Variants in ERC1 observed in about 807,000 individuals in gnomAD.
The protein encoded by ERC1 is RAB6 interacting protein 2.
In ERC1, 56 loss-of-function variants were observed where a neutral mutation model predicts 132.0. The ratio of observed to expected loss-of-function variants is 0.42; its 90% CI spans 0.34 to 0.53. ERC1 has a LOEUF of 0.53. Among genes scored for constraint, ERC1 ranks in the 20% least tolerant of loss-of-function variants. The pLI is 0.03. For synonymous variants in ERC1, 478 were observed against 476.1 expected (o/e 1.00, Z -0.05); for missense variants, 1,202 against 1,349.9 (o/e 0.89, Z 1.72).
Position 1,491,383 on chromosome 12 carries a change from C to T in ERC1, c.*1153C>T, listed in dbSNP as rs1359657724. On this transcript the variant is annotated 3_prime_UTR_variant, in exon 19 of 19. Coordinates refer to ENST00000360905, the MANE Select transcript of ERC1 (RefSeq NM_178040.4). ...AAGGTTTTTCCTCCTACACACATTC[C>T]TTCCTCGGTTATTTCATTCAGAGAA... The T allele has an allele frequency of 1.3e-5, 3 of 230,978 alleles. No individual in the cohort carries two copies. The East Asian group carries it at 1.8e-4, about 14-fold the overall frequency. 14.3% of individuals were successfully genotyped at this position (230,978 alleles called of 1,614,324 possible).
chr12:1,207,617 T>G (rs1467475312), intron 12 of ERC1, among the ~76,000 whole-genome samples: 1 of 152,174 alleles, frequency 6.6e-6, no homozygotes, highest in Admixed American at 6.5e-5. Flanking sequence ...GAATAACTCA[T>G]TGGTGGGAAA....
At chr12:1,331,621 CAA>C (rs1380036572) in intron 15 of ERC1, among the ~76,000 whole-genome samples, 2 of 152,134 alleles carry the variant, frequency 1.3e-5, no homozygotes, top group Non-Finnish European at 2.9e-5. Flanking sequence ...CTGATCCTAA[CAA>C]ATAATTAGTC....
At chr12:1,424,842 GA>G (rs2092568369) in intron 17 of ERC1, among the ~76,000 whole-genome samples, 1 of 73,904 alleles carries the variant, frequency 1.4e-5, no homozygotes, top group Admixed American at 1.3e-4. Flanking sequence ...TAGATAGATA[GA>G]TGATAGATAG....
At chr12:1,230,218 C>G (rs1214722816) in intron 12 of ERC1, among the ~76,000 whole-genome samples, 1 of 152,056 alleles carries the variant, frequency 6.6e-6, no homozygotes, top group African/African-American at 2.4e-5. Context: ...AGGCTAGTCT[C>G]AAACCCCTGA....
chr12:1,136,785 A>C (rs1949286414), intron 7 of ERC1, among the ~76,000 whole-genome samples: 1 of 152,100 alleles, frequency 6.6e-6, no homozygotes, highest in Non-Finnish European at 1.5e-5. Flanking sequence ...CTAGATTTTA[A>C]AGTATTCTAT....
chr12:1,329,344 A>G (rs551980160), intron 15 of ERC1, among the ~76,000 whole-genome samples: 1 of 126,622 alleles, frequency 7.9e-6, no homozygotes, highest in East Asian at 2.7e-4. Flanking sequence ...TTTTTTCTAA[A>G]TTTTTCAATA....
At chr12:1,196,756 C>T (rs2154280388) in intron 12 of ERC1, among the ~76,000 whole-genome samples, 1 of 150,176 alleles carries the variant, frequency 6.7e-6, no homozygotes, top group South Asian at 2.1e-4. Context: ...TCCCAAAGTG[C>T]TGGGATTACA....
intron 12 of ERC1, among the ~76,000 whole-genome samples, chr12:1,202,319 A>G (rs766144011): frequency 6.6e-6 from 1 of 152,164 alleles, no homozygotes; most frequent in Non-Finnish European, 1.5e-5. Context: ...TTAGGATTAC[A>G]TATAATTCGA....
At chr12:1,244,469 A>AATATTCATT in intron 13 of ERC1, 2 of 436,702 alleles carry the variant, frequency 4.6e-6, no homozygotes, top group Non-Finnish European at 9.1e-6. Context: ...CTAGTATTAA[A>AATATTCATT]ATATTCATTA....
chr12:1,363,368 G>A (rs540616109), intron 15 of ERC1, among the ~76,000 whole-genome samples: 38 of 152,072 alleles, frequency 2.5e-4, no homozygotes, highest in Middle Eastern at 3.4e-3. Flanking sequence ...AAAACTGAAC[G>A]CAAGTTTTCC....
intron 16 of ERC1, among the ~76,000 whole-genome samples, chr12:1,405,205 G>A (rs1034869559): frequency 6.2e-5 from 9 of 146,256 alleles, no homozygotes; most frequent in Admixed American, 1.4e-4. Context: ...ATAAAATTGG[G>A]GGGAACACAA....
At chr12:1,418,125 A>T (rs188419473) in intron 17 of ERC1, among the ~76,000 whole-genome samples, 2 of 152,316 alleles carry the variant, frequency 1.3e-5, no homozygotes, top group Admixed American at 1.3e-4. Flanking sequence ...CCTCTGAAGG[A>T]TACATAGCTA....
At chr12:1,065,480 T>TGTG (rs1938951655) in intron 2 of ERC1, among the ~76,000 whole-genome samples, 7 of 124,922 alleles carry the variant, frequency 5.6e-5, no homozygotes, top group Non-Finnish European at 8.3e-5. Flanking sequence ...TTTGTACCGT[T>TGTG]TGTGTGTGTG....
chr12:1,306,220 T>C (rs893234937), intron 15 of ERC1, among the ~76,000 whole-genome samples: 1 of 152,218 alleles, frequency 6.6e-6, no homozygotes, highest in Non-Finnish European at 1.5e-5. Flanking sequence ...TTAAATTCTC[T>C]AAGCTCTAGG....
chr12:1,143,511 A>G (rs1198416365), intron 8 of ERC1, among the ~76,000 whole-genome samples: 1 of 149,752 alleles, frequency 6.7e-6, no homozygotes, highest in African/African-American at 2.4e-5. Flanking sequence ...CATTGTTTAA[A>G]TTTTTGTGTT....
intron 4 of ERC1, among the ~76,000 whole-genome samples, chr12:1,108,673 T>C (rs967453229): frequency 6.6e-6 from 1 of 152,212 alleles, no homozygotes; most frequent in Non-Finnish European, 1.5e-5. Flanking sequence ...TCATTCCACA[T>C]GAGTAAATAA....
intron 14 of ERC1, among the ~76,000 whole-genome samples, chr12:1,285,997 T>C (rs1201159798): frequency 6.6e-6 from 1 of 152,200 alleles, no homozygotes; most frequent in African/African-American, 2.4e-5. Flanking sequence ...AGAAAACTAC[T>C]GTAATCCTGG....
At chr12:1,415,435 A>G (rs1174623219) in intron 17 of ERC1, among the ~76,000 whole-genome samples, 2 of 152,252 alleles carry the variant, frequency 1.3e-5, no homozygotes, top group East Asian at 3.8e-4. Flanking sequence ...ATTAGAGATG[A>G]TGTAAATATT....
chr12:1,125,263 G>A (rs1948032109), intron 7 of ERC1, among the ~76,000 whole-genome samples: 1 of 151,646 alleles, frequency 6.6e-6, no homozygotes, highest in African/African-American at 2.4e-5. Context: ...CAGAGTGCTG[G>A]GATTACAGGC....
Sources: gnomAD v4.1 joint callset for allele counts (sites outside exome capture counted in the v4.1 genomes callset) on GRCh38, gnomAD v4.1.1 for gene constraint, MANE v1.5 for transcripts, NCBI Gene and HGNC (gene_info 2026-07-23, HGNC 2026-07-21) for gene names.